Variants in ZC3H12B observed in about 807,000 individuals in gnomAD.
ZC3H12B encodes the protein zinc finger CCCH-type containing 12B, also known as probable ribonuclease ZC3H12B.
In ZC3H12B, 7 loss-of-function variants were observed where a neutral mutation model predicts 43.9. The observed-to-expected ratio is 0.16, with a 90% CI of 0.09 to 0.30. ZC3H12B has a LOEUF of 0.30. Ranked by LOEUF, ZC3H12B falls within the 10% of genes least tolerant of loss-of-function variation. The pLI is 1.00. For synonymous variants in ZC3H12B, 222 were observed against 241.7 expected (o/e 0.92, Z 0.76); for missense variants, 475 against 670.2 (o/e 0.71, Z 3.22).
chrX:65,491,456 C>G (rs1027700706), intron 1 of ZC3H12B, among the ~76,000 whole-genome samples: 8 of 110,979 alleles, frequency 7.2e-5, no homozygotes, highest in Non-Finnish European at 1.5e-4. Context: ...CCTATAATCC[C>G]GACACATTGG....
At chrX:65,166,706 G>C in the ZC3H12B span, among the ~76,000 whole-genome samples, 2 of 111,492 alleles carry the variant, frequency 1.8e-5, no homozygotes, top group Admixed American at 1.9e-4. Flanking sequence ...TCCTGCACCT[G>C]GTGTTTCTTG....
At chrX:65,177,536 T>A in the ZC3H12B span, among the ~76,000 whole-genome samples, 2 of 111,970 alleles carry the variant, frequency 1.8e-5, no homozygotes, top group African/African-American at 6.5e-5. Flanking sequence ...AACCCCATCG[T>A]CTCAGTCCAA....
At chrX:65,378,627 C>G (rs997070712) in intron 2 of ZC3H12B, among the ~76,000 whole-genome samples, 1 of 112,220 alleles carries the variant, frequency 8.9e-6, no homozygotes, top group African/African-American at 3.2e-5. Flanking sequence ...CGAATAGGAA[C>G]AGCTCCAGTC....
Position 65,468,672 on chromosome X carries a change from G to A in ZC3H12B, n.408-19974G>A, listed in dbSNP as rs111750775. On this transcript the variant is annotated intron_variant and non_coding_transcript_variant, in intron 3 of 5. Transcript: ENST00000617377. ...CTAATTTTTTTTTTTTTTTTTTTTT[G>A]TATTTTTAGTAGAGACGGGGTTTCA... is the stretch of plus-strand genomic sequence containing the variant. 1.4e-4 allele frequency among the ~76,000 whole-genome samples: 5 copies of A among 34,834 alleles called. No homozygotes were observed. The East Asian group carries it at 3.7e-3, about 26-fold the overall frequency. 30.2% of individuals were successfully genotyped at this position (34,834 alleles called of 115,157 possible).
At chrX:65,217,088 G>A in the ZC3H12B span, among the ~76,000 whole-genome samples, 1 of 111,462 alleles carries the variant, frequency 9.0e-6, no homozygotes, top group African/African-American at 3.3e-5. Flanking sequence ...CCAACTCCAG[G>A]CAGCTCAGCA....
the ZC3H12B span, among the ~76,000 whole-genome samples, chrX:65,292,413 G>T: frequency 9.0e-6 from 1 of 111,182 alleles, no homozygotes; most frequent in African/African-American, 3.3e-5. Flanking sequence ...CACTATAAGT[G>T]GGAGCCAAAT....
chrX:65,390,804 A>C (rs955409369), intron 2 of ZC3H12B, among the ~76,000 whole-genome samples: 1 of 112,121 alleles, frequency 8.9e-6, no homozygotes, highest in African/African-American at 3.2e-5. Context: ...ATCATTCTCA[A>C]GGATAGACCA....
chrX:65,123,992 T>C, the ZC3H12B span, among the ~76,000 whole-genome samples: 7 of 111,053 alleles, frequency 6.3e-5, no homozygotes, highest in Non-Finnish European at 9.5e-5. Flanking sequence ...TTCTTTCTCT[T>C]GTCTGAGTTC....
At chrX:65,436,106 G>A (rs575858917) in intron 3 of ZC3H12B, among the ~76,000 whole-genome samples, 8 of 112,519 alleles carry the variant, frequency 7.1e-5, no homozygotes, top group Middle Eastern at 9.3e-3. Flanking sequence ...AAGCCAAGGG[G>A]AAGCTAGCAC....
the ZC3H12B span, among the ~76,000 whole-genome samples, chrX:65,303,189 G>A: frequency 2.7e-3 from 296 of 110,401 alleles, 3 homozygotes; most frequent in African/African-American, 9.3e-3. Flanking sequence ...TTTTTTTCAA[G>A]AACTTAAAGT....
At position 65,386,114 on chromosome X, in the gene ZC3H12B, GT is replaced by G. The variant is rs749489651; in HGVS notation, n.296-12477del. ...TATTGGTCTAAAATTCTCTTTTTTTGTTGTGTCTCTGCCAGACTTTGGTAAT... is the reference window on the plus strand; with the variant it reads ...TATTGGTCTAAAATTCTCTTTTTTTGTGTGTCTCTGCCAGACTTTGGTAAT... On this transcript the variant is annotated intron_variant and non_coding_transcript_variant, in intron 2 of 5. Transcript: ENST00000617377. 2.7e-5 allele frequency among the ~76,000 whole-genome samples: 3 copies of G among 111,551 alleles called. No homozygotes were observed. The South Asian group carries it at 1.1e-3, about 41-fold the overall frequency.
At chrX:65,118,186 A>T in the ZC3H12B span, among the ~76,000 whole-genome samples, 1 of 111,821 alleles carries the variant, frequency 8.9e-6, no homozygotes, top group Non-Finnish European at 1.9e-5. Context: ...GATTCTTCCT[A>T]AACAGGAGCA....
chrX:65,053,326 C>T, the ZC3H12B span, among the ~76,000 whole-genome samples: 2 of 110,660 alleles, frequency 1.8e-5, no homozygotes, highest in Non-Finnish European at 3.8e-5. Context: ...TCTCATTGTT[C>T]AATTCCCACC....
At chrX:65,125,437 C>T in the ZC3H12B span, among the ~76,000 whole-genome samples, 2 of 111,301 alleles carry the variant, frequency 1.8e-5, no homozygotes, top group African/African-American at 6.5e-5. Flanking sequence ...GTTCCATGTG[C>T]TGATGAATAG....
At chrX:65,432,132 T>C (rs1281703519) in intron 3 of ZC3H12B, among the ~76,000 whole-genome samples, 1 of 111,870 alleles carries the variant, frequency 8.9e-6, no homozygotes, top group African/African-American at 3.3e-5. Flanking sequence ...TATAACTTAC[T>C]TATGCCTTTA....
intron 3 of ZC3H12B, among the ~76,000 whole-genome samples, chrX:65,468,481 CTTTCTT>C (rs2067854896): frequency 1.1e-5 from 1 of 92,006 alleles, no homozygotes; most frequent in African/African-American, 5.5e-5. Context: ...TTTATTCTTT[CTTTCTT>C]TTTTTTTTTT....
chrX:65,221,005 C>T, the ZC3H12B span, among the ~76,000 whole-genome samples: 1 of 111,791 alleles, frequency 8.9e-6, no homozygotes, highest in Non-Finnish European at 1.9e-5. Flanking sequence ...AGTACTCTTT[C>T]AGACCACAGT....
At chrX:65,182,659 A>G in the ZC3H12B span, among the ~76,000 whole-genome samples, 3 of 110,290 alleles carry the variant, frequency 2.7e-5, no homozygotes, top group Non-Finnish European at 5.7e-5. Context: ...AATATTTGCA[A>G]TGTGTGCATT....
At chrX:65,333,423 A>T in the ZC3H12B span, among the ~76,000 whole-genome samples, 1 of 112,166 alleles carries the variant, frequency 8.9e-6, no homozygotes, top group South Asian at 3.7e-4. Flanking sequence ...GAGAGAAAAA[A>T]ATCCTCCAAA....
Sources: gnomAD v4.1 joint callset for allele counts (sites outside exome capture counted in the v4.1 genomes callset) on GRCh38, gnomAD v4.1.1 for gene constraint, MANE v1.5 for transcripts, NCBI Gene and HGNC (gene_info 2026-07-23, HGNC 2026-07-21) for gene names.